XKR4: variants seen among roughly 807,000 people sequenced by gnomAD.
The protein encoded by XKR4 is XK related 4.
Under a neutral mutation model 53.9 loss-of-function variants are expected in XKR4, and 12 were observed. That is an observed-to-expected ratio of 0.22 (90% CI 0.14 to 0.36). The LOEUF (loss-of-function observed/expected upper bound fraction) is 0.36, where lower values mean the gene tolerates loss of function less well. XKR4 is among the 10% of genes least tolerant of loss of function. XKR4 has a pLI of 1.00. For synonymous variants in XKR4, 354 were observed against 362.4 expected (o/e 0.98, Z 0.26); for missense variants, 799 against 859.5 (o/e 0.93, Z 0.88).
chr8:55,336,636 A>G (rs952815508), intron 1 of XKR4, among the ~76,000 whole-genome samples: 4 of 152,176 alleles, frequency 2.6e-5, no homozygotes, highest in African/African-American at 9.7e-5. Flanking sequence ...CTTCTAAATG[A>G]AACGATTTTT....
At chr8:55,356,253 G>A (rs143752953) in intron 1 of XKR4, among the ~76,000 whole-genome samples, 4 of 152,296 alleles carry the variant, frequency 2.6e-5, no homozygotes, top group African/African-American at 9.6e-5. Context: ...AACTAATTCT[G>A]ATGTGCTTCC....
chr8:55,164,174 C>T (rs1563472462), intron 1 of XKR4: 1 of 456,690 alleles, frequency 2.2e-6, no homozygotes, highest in East Asian at 7.0e-5. Context: ...TGGCCTGGCC[C>T]AGCACACAGG....
At chr8:55,146,496 C>A (rs1263502054) in intron 1 of XKR4, among the ~76,000 whole-genome samples, 1 of 152,198 alleles carries the variant, frequency 6.6e-6, no homozygotes, top group African/African-American at 2.4e-5. Context: ...TGATCTGTGT[C>A]TGTGCTGTCT....
At chr8:55,300,867 A>T (rs890744930) in intron 1 of XKR4, among the ~76,000 whole-genome samples, 10 of 152,012 alleles carry the variant, frequency 6.6e-5, no homozygotes, top group African/African-American at 2.4e-4. Context: ...GGAAGGAACA[A>T]TGAAGGCTCT....
chr8:55,445,096 C>T (rs961611959), intron 2 of XKR4, among the ~76,000 whole-genome samples: 7 of 152,138 alleles, frequency 4.6e-5, no homozygotes, highest in Admixed American at 2.6e-4. Context: ...CTCCCTCTGT[C>T]GCCCAGGCTG....
At chr8:55,213,666 T>C (rs990209204) in intron 1 of XKR4, among the ~76,000 whole-genome samples, 2 of 152,120 alleles carry the variant, frequency 1.3e-5, no homozygotes, top group East Asian at 1.9e-4. Context: ...AATTAAACGA[T>C]AAACTAAGTT....
At chr8:55,504,201 TG>T (rs1278928767) in intron 2 of XKR4, among the ~76,000 whole-genome samples, 1 of 151,166 alleles carries the variant, frequency 6.6e-6, no homozygotes, top group Non-Finnish European at 1.5e-5. Flanking sequence ...TGTTTTGTTT[TG>T]TTTTGTTTTG....
chr8:55,456,916 T>C (rs1290659238), intron 2 of XKR4, among the ~76,000 whole-genome samples: 1 of 151,976 alleles, frequency 6.6e-6, no homozygotes, highest in Admixed American at 6.6e-5. Flanking sequence ...TGTCTACAAA[T>C]ATTAAAAGCT....
intron 1 of XKR4, among the ~76,000 whole-genome samples, chr8:55,296,280 T>C (rs771080648): frequency 4.6e-5 from 7 of 152,172 alleles, no homozygotes; most frequent in Non-Finnish European, 7.3e-5. Flanking sequence ...CATTCCCTGG[T>C]TTAGAAGTTA....
chr8:55,332,005 A>C (rs1803389904), intron 1 of XKR4, among the ~76,000 whole-genome samples: 1 of 152,118 alleles, frequency 6.6e-6, no homozygotes, highest in Non-Finnish European at 1.5e-5. Flanking sequence ...TCTTTTAGCT[A>C]TAGCGTCCAT....
At chr8:55,144,968 A>C (rs554054431) in intron 1 of XKR4, among the ~76,000 whole-genome samples, 4 of 152,048 alleles carry the variant, frequency 2.6e-5, no homozygotes, top group Non-Finnish European at 4.4e-5. Flanking sequence ...AGTAGCTGGG[A>C]TTGTGGGTGC....
intron 2 of XKR4, among the ~76,000 whole-genome samples, chr8:55,420,376 G>C (rs1355721684): frequency 6.6e-6 from 1 of 151,830 alleles, no homozygotes; most frequent in Non-Finnish European, 1.5e-5. Flanking sequence ...GCAAAGACTT[G>C]GAACCAACCC....
Position 55,248,077 on chromosome 8 carries a change from G to A in XKR4, c.807-109601G>A, listed in dbSNP as rs191735229. On this transcript the variant is annotated intron_variant, in intron 1 of 2. Coordinates refer to ENST00000327381, the MANE Select transcript of XKR4 (RefSeq NM_052898.2). ...TCATTGTGTTAGCCAGGATGGTCTC[G>A]ATCTCCTGACCTCGTGATCCACCCA... Among the ~76,000 whole-genome samples the A allele has an allele frequency of 5.1e-4, 77 of 151,426 alleles. 1 individual carries two copies. The highest frequency in any genetic ancestry group is 1.8e-3 in the African/African-American group (74 of 41,324).
At chr8:55,380,482 T>C (rs1804215423) in intron 2 of XKR4, among the ~76,000 whole-genome samples, 1 of 152,236 alleles carries the variant, frequency 6.6e-6, no homozygotes, top group Admixed American at 6.5e-5. Context: ...TAAGTTTGAG[T>C]TCCATGACAT....
chr8:55,219,652 C>G (rs1210327715), intron 1 of XKR4, among the ~76,000 whole-genome samples: 2 of 152,176 alleles, frequency 1.3e-5, no homozygotes, highest in Non-Finnish European at 2.9e-5. Flanking sequence ...CTCTCCCCAT[C>G]CCTTCTTAGA....
intron 2 of XKR4, among the ~76,000 whole-genome samples, chr8:55,432,112 CAGG>C (rs947685383): frequency 1.3e-5 from 2 of 152,058 alleles, no homozygotes; most frequent in African/African-American, 4.8e-5. Flanking sequence ...AAATTTTATC[CAGG>C]AGAAGGCTCA....
intron 1 of XKR4, among the ~76,000 whole-genome samples, chr8:55,182,819 T>C (rs1012031865): frequency 2.8e-5 from 1 of 36,066 alleles, no homozygotes; most frequent in Non-Finnish European, 4.6e-5. Flanking sequence ...ACTTAACATA[T>C]ACAAAAAATT....
intron 1 of XKR4, among the ~76,000 whole-genome samples, chr8:55,257,480 G>T (rs906228628): frequency 6.6e-6 from 1 of 151,758 alleles, no homozygotes; most frequent in Non-Finnish European, 1.5e-5. Context: ...GAGAGAAAGG[G>T]CATGTACTTA....
At chr8:55,246,594 G>T (rs1818288223) in intron 1 of XKR4, among the ~76,000 whole-genome samples, 1 of 152,072 alleles carries the variant, frequency 6.6e-6, no homozygotes, top group Non-Finnish European at 1.5e-5. Flanking sequence ...CTAATAGCAT[G>T]CACGTTTTCC....
Sources: allele counts gnomAD v4.1 joint callset (sites outside exome capture counted in the v4.1 genomes callset), GRCh38; gene constraint gnomAD v4.1.1; transcripts MANE v1.5; gene names NCBI Gene and HGNC (gene_info 2026-07-23, HGNC 2026-07-21).